COP1: variants seen among roughly 807,000 people sequenced by gnomAD.
The protein encoded by COP1 is E3 ubiquitin-protein ligase COP1.
A neutral mutation model predicts 101.3 loss-of-function variants in COP1; 24 were observed. The observed-to-expected ratio is 0.24, with a 90% CI of 0.17 to 0.33. The LOEUF (loss-of-function observed/expected upper bound fraction) is 0.33, where lower values mean the gene tolerates loss of function less well. Ranked by LOEUF, COP1 falls within the 10% of genes least tolerant of loss-of-function variation. COP1 has a pLI of 1.00. For synonymous variants in COP1, 347 were observed against 341.9 expected, an observed-to-expected ratio of 1.01 and a Z score of -0.17; for missense variants, 663 against 906.2, an observed-to-expected ratio of 0.73 and a Z score of 3.45.
At chr1:176,109,029 T>C (rs1202527848) in intron 9 of COP1, among the ~76,000 whole-genome samples, 1 of 152,052 alleles carries the variant, frequency 6.6e-6, no homozygotes, top group African/African-American at 2.4e-5. Flanking sequence ...GGAGAATCGC[T>C]TGAACCCGGG....
At chr1:176,029,889 AATTT>A (rs762893829) in intron 14 of COP1, among the ~76,000 whole-genome samples, 1 of 152,176 alleles carries the variant, frequency 6.6e-6, no homozygotes, top group Non-Finnish European at 1.5e-5. Flanking sequence ...CAATCTGATA[AATTT>A]ATTAGCCTTC....
At chr1:176,020,593 G>GC (rs1666594947) in intron 15 of COP1, among the ~76,000 whole-genome samples, 1 of 152,066 alleles carries the variant, frequency 6.6e-6, no homozygotes, top group Non-Finnish European at 1.5e-5. Context: ...CAGGAGAATC[G>GC]CTCTACCTGT....
intron 6 of COP1, among the ~76,000 whole-genome samples, chr1:176,138,750 C>T (rs975211477): frequency 6.6e-6 from 1 of 152,140 alleles, no homozygotes; most frequent in Admixed American, 6.6e-5. Context: ...TACCAAGCAG[C>T]CAAATCCCTG....
chr1:176,178,800 C>T (rs1158329912), intron 2 of COP1, among the ~76,000 whole-genome samples: 2 of 151,872 alleles, frequency 1.3e-5, no homozygotes, highest in Admixed American at 6.6e-5. Flanking sequence ...TTGCAGTGAA[C>T]CAAGATCACA....
At chr1:176,150,262 AC>A (rs764640574) in intron 5 of COP1, among the ~76,000 whole-genome samples, 32 of 152,364 alleles carry the variant, frequency 2.1e-4, no homozygotes, top group Non-Finnish European at 3.7e-4. Context: ...AACGTAATTT[AC>A]AAGTCAAGGC....
At chr1:175,995,320 A>G (rs144971347) in intron 15 of COP1, among the ~76,000 whole-genome samples, 1,577 of 152,348 alleles carry the variant, frequency 0.01, 11 homozygotes, top group South Asian at 0.02. Flanking sequence ...ACACCCTAAC[A>G]TCACAATTAA....
At chr1:176,168,740 G>A in intron 3 of COP1, 1 of 339,768 alleles carries the variant, frequency 2.9e-6, no homozygotes, top group Non-Finnish European at 6.0e-6. Flanking sequence ...AGCAGACAGA[G>A]TATGCACACT....
intron 18 of COP1, among the ~76,000 whole-genome samples, chr1:175,959,212 A>G (rs143734733): frequency 6.6e-6 from 1 of 152,140 alleles, no homozygotes; most frequent in East Asian, 1.9e-4. Flanking sequence ...GAAAAATATT[A>G]TATCATGTTA....
At chr1:175,948,071 A>G (rs1013995178) in intron 18 of COP1, among the ~76,000 whole-genome samples, 2 of 152,242 alleles carry the variant, frequency 1.3e-5, no homozygotes, top group African/African-American at 4.8e-5. Context: ...TAATTATTCT[A>G]TCATTCAGCA....
chr1:175,987,714 A>C (rs1476491603), intron 17 of COP1, among the ~76,000 whole-genome samples: 1 of 152,232 alleles, frequency 6.6e-6, no homozygotes, highest in Non-Finnish European at 1.5e-5. Flanking sequence ...ACTTTGCTGA[A>C]CAAAGGCCAA....
At chr1:176,017,774 C>T (rs978639902) in intron 15 of COP1, among the ~76,000 whole-genome samples, 3 of 152,198 alleles carry the variant, frequency 2.0e-5, no homozygotes, top group Non-Finnish European at 2.9e-5. Context: ...ATCTGCCCAC[C>T]TCGGCCTCCC....
At chr1:176,157,742 A>T (rs1418221816) in intron 5 of COP1, among the ~76,000 whole-genome samples, 1 of 152,234 alleles carries the variant, frequency 6.6e-6, no homozygotes, top group Non-Finnish European at 1.5e-5. Flanking sequence ...GGTGAAATTT[A>T]TAATTTCTGG....
intron 18 of COP1, chr1:175,982,320 T>A (rs936609377): frequency 2.2e-6 from 1 of 455,482 alleles, no homozygotes; most frequent in East Asian, 7.0e-5. Flanking sequence ...GAAAACATGG[T>A]ATACAGCTGA....
At chr1:176,078,784 T>TA (rs970005118) in intron 11 of COP1, among the ~76,000 whole-genome samples, 71 of 149,266 alleles carry the variant, frequency 4.8e-4, no homozygotes, top group South Asian at 6.4e-4. Flanking sequence ...ACAAGAAACT[T>TA]AAAAAAAAAT....
At chr1:176,149,728 T>C (rs1692123532) in intron 5 of COP1, among the ~76,000 whole-genome samples, 1 of 151,972 alleles carries the variant, frequency 6.6e-6, no homozygotes, top group South Asian at 2.1e-4. Context: ...ATTTTCTGAG[T>C]AGCAAAACAT....
chr1:175,976,270 C>CTTGTTTTTTTTTT (rs1654537938), intron 18 of COP1, among the ~76,000 whole-genome samples: 1 of 56,834 alleles, frequency 1.8e-5, no homozygotes, highest in Admixed American at 3.3e-4. Flanking sequence ...ATTAGTCATT[C>CTTGTTTTTTTTTT]TTTTTTTTTT....
intron 5 of COP1, 114 bp from the exon 6 acceptor site, chr1:176,149,188 C>G (rs1041263114): frequency 9.3e-5 from 44 of 475,480 alleles, no homozygotes; most frequent in Non-Finnish European, 7.0e-5. Flanking sequence ...TTAAGTTCGT[C>G]TATTATTTCT....
chr1:176,093,928 C>G lies in COP1; in HGVS notation c.1027-8038G>C, dbSNP rs139324654. ...GTCCCAGCTACTCGGGAGGCTCAGG[C>G]AGGAGAACCACTTTAACCCAGGAAG... On this transcript the variant is annotated intron_variant, in intron 9 of 19. Transcript: ENST00000367669. Among the ~76,000 whole-genome samples the G allele has an allele frequency of 5.9e-3, 899 of 151,704 alleles. 12 individuals are homozygous for G. The highest frequency in any genetic ancestry group is 0.021 in the African/African-American group (862 of 41,354).
chr1:176,110,609 G>T (rs1685111326), intron 9 of COP1, among the ~76,000 whole-genome samples: 1 of 152,084 alleles, frequency 6.6e-6, no homozygotes. Flanking sequence ...CCAGTGAGGT[G>T]TCCTCAGAGC....
Sources: allele counts gnomAD v4.1 joint callset (sites outside exome capture counted in the v4.1 genomes callset), GRCh38; gene constraint gnomAD v4.1.1; transcripts MANE v1.5; gene names NCBI Gene and HGNC (gene_info 2026-07-23, HGNC 2026-07-21).